EFHD1: variants seen among roughly 807,000 people sequenced by gnomAD.
EFHD1 encodes the protein EF-hand domain family member D1.
EFHD1 carries 10 observed loss-of-function variants against 17.2 expected under a neutral mutation model. The observed-to-expected ratio is 0.58, with a 90% CI of 0.36 to 0.99. EFHD1 has a LOEUF of 0.99. Among genes scored for constraint, EFHD1 ranks in the 50% least tolerant of loss-of-function variants. The probability of loss-of-function intolerance (pLI) is 0.01; values close to 1 mark genes in which losing one functional copy is unlikely to be tolerated. For missense variants in EFHD1, 310 were observed against 327.5 expected, an observed-to-expected ratio of 0.95 and a Z score of 0.41; for synonymous variants, 153 against 142.0, an observed-to-expected ratio of 1.08 and a Z score of -0.55.
intron 1 of EFHD1, among the ~76,000 whole-genome samples, chr2:232,615,262 A>G (rs1693904164): frequency 6.7e-6 from 1 of 149,468 alleles, no homozygotes; most frequent in Non-Finnish European, 1.5e-5. Context: ...AGGATTTTTT[A>G]CTGTTGGGGG....
chr2:232,667,406 G>A (rs1486474002), intron 2 of EFHD1, among the ~76,000 whole-genome samples: 3 of 152,202 alleles, frequency 2.0e-5, no homozygotes, highest in Admixed American at 6.5e-5. Context: ...CATGCGGACC[G>A]GCATGAGAGA....
intron 1 of EFHD1, chr2:232,610,653 G>A (rs916172218): frequency 1.3e-5 from 2 of 151,852 alleles, no homozygotes; most frequent in African/African-American, 4.8e-5. Flanking sequence ...TGAGGCAGGT[G>A]GATTGCTTGT....
intron 1 of EFHD1, among the ~76,000 whole-genome samples, chr2:232,619,796 T>G (rs1005346688): frequency 5.9e-5 from 9 of 152,122 alleles, no homozygotes; most frequent in Non-Finnish European, 7.4e-5. Context: ...CTCAGGAGGC[T>G]GAGGTGGGAG....
At chr2:232,657,603 A>G (rs796170551) in intron 1 of EFHD1, among the ~76,000 whole-genome samples, 31 of 152,036 alleles carry the variant, frequency 2.0e-4, no homozygotes, top group African/African-American at 7.0e-4. Context: ...TGAGGTCAGG[A>G]GTTCGAGACC....
chr2:232,663,630 T>C (rs1269540470), intron 2 of EFHD1, among the ~76,000 whole-genome samples: 2 of 152,074 alleles, frequency 1.3e-5, no homozygotes, highest in African/African-American at 4.8e-5. Context: ...CCTTCCAAAT[T>C]GCTGAGATTA....
intron 3 of EFHD1, among the ~76,000 whole-genome samples, chr2:232,678,254 A>C (rs1695212432): frequency 6.6e-6 from 1 of 151,976 alleles, no homozygotes; most frequent in Non-Finnish European, 1.5e-5. Flanking sequence ...TGACAGAGTA[A>C]GACTCCATCT....
intron 1 of EFHD1, 132 bp downstream of exon 1, chr2:232,634,138 C>T (rs1694268582): frequency 6.9e-7 from 1 of 1,446,188 alleles, no homozygotes; most frequent in African/African-American, 1.5e-5. Context: ...CCCAACGCAG[C>T]CAGATCTTGC....
At chr2:232,610,931 C>T (rs1054649209) in intron 1 of EFHD1, 29 of 152,344 alleles carry the variant, frequency 1.9e-4, no homozygotes, top group African/African-American at 6.8e-4. Context: ...AATCTCAGCA[C>T]TTTGGGAGGC....
intron 3 of EFHD1, among the ~76,000 whole-genome samples, chr2:232,675,668 C>T (rs1182563470): frequency 1.3e-5 from 2 of 152,150 alleles, no homozygotes; most frequent in Admixed American, 6.6e-5. Context: ...TACCAGGACA[C>T]ACTTGCCTGG....
At chr2:232,649,115 T>C (rs1452566210) in intron 1 of EFHD1, among the ~76,000 whole-genome samples, 1 of 152,170 alleles carries the variant, frequency 6.6e-6, no homozygotes, top group Non-Finnish European at 1.5e-5. Context: ...CTCTGCACAG[T>C]GGAAGCCAAG....
intron 1 of EFHD1, among the ~76,000 whole-genome samples, chr2:232,655,111 G>A (rs545651691): frequency 1.3e-5 from 2 of 152,318 alleles, no homozygotes; most frequent in Non-Finnish European, 2.9e-5. Context: ...GTTGGAACAC[G>A]CTATGTGTGC....
chr2:232,664,645 G>T (rs193250829), intron 2 of EFHD1, among the ~76,000 whole-genome samples: 3 of 115,964 alleles, frequency 2.6e-5, no homozygotes, highest in African/African-American at 3.4e-5. Flanking sequence ...ATGGAGACTC[G>T]CTCTGTCACC....
chr2:232,643,043 C>T, intron 1 of EFHD1, among the ~76,000 whole-genome samples: 1 of 152,328 alleles, frequency 6.6e-6, no homozygotes, highest in African/African-American at 2.4e-5. Context: ...GGGTTCCGTC[C>T]TCTGCCCTCT....
At chr2:232,665,653 C>A (rs553842563) in intron 2 of EFHD1, among the ~76,000 whole-genome samples, 2 of 152,290 alleles carry the variant, frequency 1.3e-5, no homozygotes, top group East Asian at 3.9e-4. Context: ...AACTCCTGGC[C>A]TCAGGCAGTC....
intron 2 of EFHD1, among the ~76,000 whole-genome samples, chr2:232,667,111 C>T (rs1694980684): frequency 6.6e-6 from 1 of 152,174 alleles, no homozygotes; most frequent in Non-Finnish European, 1.5e-5. Context: ...CTTCCAGCTT[C>T]TGAAACTGTG....
chr2:232,617,244 A>G (rs1050482385), intron 1 of EFHD1, among the ~76,000 whole-genome samples: 1 of 152,242 alleles, frequency 6.6e-6, no homozygotes, highest in African/African-American at 2.4e-5. Flanking sequence ...CAGAAGTGAC[A>G]AAGTCACCAC....
chr2:232,665,495 C>T (rs1308187456), intron 2 of EFHD1, among the ~76,000 whole-genome samples: 1 of 152,084 alleles, frequency 6.6e-6, no homozygotes, highest in Non-Finnish European at 1.5e-5. Context: ...AATCTCGGCT[C>T]AGTGCAACCT....
chr2:232,682,010 T>A lies in EFHD1; in HGVS notation c.*291T>A. Reference sequence around the variant, plus strand: ...GCAACCTTCACTTTGTCCTTGTCCCTTTACCATTCCCCATCAAAGAGTAGT... The same window carrying A: ...GCAACCTTCACTTTGTCCTTGTCCCATTACCATTCCCCATCAAAGAGTAGT... On this transcript the variant is annotated 3_prime_UTR_variant, in exon 4 of 4. Coordinates refer to ENST00000264059, the MANE Select transcript of EFHD1 (RefSeq NM_025202.4). The A allele has an allele frequency of 2.9e-6, 1 of 345,580 alleles. No homozygotes were observed. Among genetic ancestry groups the A allele is most frequent in the Non-Finnish European group, 5.2e-6 (1 of 190,540 alleles). The allele number at this position is 345,580 out of a possible 1,614,324, so 21.4% of individuals were successfully genotyped here.
At chr2:232,645,490 T>TGACA (rs940204695) in intron 1 of EFHD1, among the ~76,000 whole-genome samples, 71 of 152,344 alleles carry the variant, frequency 4.7e-4, no homozygotes, top group Admixed American at 4.3e-3. Context: ...ATCTGGCTGC[T>TGACA]GACAGCCCTC....
Sources: allele counts gnomAD v4.1 joint callset (sites outside exome capture counted in the v4.1 genomes callset), GRCh38; gene constraint gnomAD v4.1.1; transcripts MANE v1.5; gene names NCBI Gene and HGNC (gene_info 2026-07-23, HGNC 2026-07-21).